The following HS3ST3A1 variants were observed in gnomAD, a reference collection of about 807,000 sequenced individuals.
HS3ST3A1 encodes the protein heparan sulfate-glucosamine 3-sulfotransferase 3A1, also known as heparan sulfate glucosamine 3-O-sulfotransferase 3A1.
A neutral mutation model predicts 25.7 loss-of-function variants in HS3ST3A1; 19 were observed. The ratio of observed to expected loss-of-function variants is 0.74; its 90% confidence interval spans 0.52 to 1.08. The LOEUF (loss-of-function observed/expected upper bound fraction) is 1.08. Ranked by LOEUF, HS3ST3A1 falls within the 50% of genes least tolerant of loss-of-function variation. HS3ST3A1 has a pLI of 0.00. For synonymous variants in HS3ST3A1, 226 were observed against 278.6 expected, an observed-to-expected ratio of 0.81 and a Z score of 1.88; for missense variants, 459 against 594.3, an observed-to-expected ratio of 0.77 and a Z score of 2.37.
At chr17:13,561,931 G>C (rs1307876536) in intron 1 of HS3ST3A1, among the ~76,000 whole-genome samples, 1 of 152,032 alleles carries the variant, frequency 6.6e-6, no homozygotes, top group African/African-American at 2.4e-5. Flanking sequence ...GGTGCTGAAG[G>C]CGGCTTCCTC....
In HS3ST3A1 at chr17:13,495,155, T is replaced by TA. The variant is rs907314236; in HGVS notation, c.*1041dup. Reference sequence around the variant, plus strand: ...TTGAAATCTGTTTCTTTTTTTTTTTTAAAGTCAATTAAATCAACAAATGGG... The same window carrying TA: ...TTGAAATCTGTTTCTTTTTTTTTTTTAAAAGTCAATTAAATCAACAAATGGG... On this transcript the variant is annotated 3_prime_UTR_variant, in exon 2 of 2. Coordinates refer to ENST00000284110, the MANE Select transcript of HS3ST3A1 (RefSeq NM_006042.3). Among the ~76,000 whole-genome samples, 5 of 151,790 alleles carry TA rather than the reference T, an allele frequency of 3.3e-5. No homozygotes were observed. The East Asian group carries it at 5.8e-4, about 18-fold the overall frequency.
intron 1 of HS3ST3A1, among the ~76,000 whole-genome samples, chr17:13,507,025 C>T (rs987195412): frequency 6.7e-5 from 10 of 149,276 alleles, no homozygotes; most frequent in East Asian, 5.9e-4. Context: ...GCCAAGATTG[C>T]GCCACCACAC....
rs140007637 is a variant in HS3ST3A1, at chr17:13,520,518, G to A, written c.600-23700C>T. ...ACCCTATTCTGCAGGCCAGAGCAAC[G>A]TCTGAAATATATCCCAACCAGTCTA... On this transcript the variant is annotated intron_variant, in intron 1 of 1. Coordinates refer to ENST00000284110, the MANE Select transcript of HS3ST3A1 (RefSeq NM_006042.3). Among the ~76,000 whole-genome samples the A allele has an allele frequency of 7.2e-5, 11 of 152,248 alleles. No homozygotes were observed. The South Asian group carries it at 1.2e-3, about 17-fold the overall frequency.
intron 1 of HS3ST3A1, among the ~76,000 whole-genome samples, chr17:13,531,416 AC>A (rs1906603277): frequency 6.6e-6 from 1 of 152,168 alleles, no homozygotes. Context: ...GATCCTACCC[AC>A]ATCCCGATAT....
At chr17:13,534,547 C>CAAAAAAAAAAAAAAAAAAAAA (rs34383911) in intron 1 of HS3ST3A1, among the ~76,000 whole-genome samples, 10 of 32,828 alleles carry the variant, frequency 3.0e-4, no homozygotes, top group Non-Finnish European at 4.1e-4. Flanking sequence ...CTACAAAATC[C>CAAAAAAAAAAAAAAAAAAAAA]AAAAAAAAAA....
chr17:13,547,837 A>G (rs1239742005), intron 1 of HS3ST3A1, among the ~76,000 whole-genome samples: 4 of 151,580 alleles, frequency 2.6e-5, no homozygotes, highest in African/African-American at 9.7e-5. Flanking sequence ...CTGAGCCCTT[A>G]ACTCCAGGGA....
At chr17:13,515,315 A>C (rs946304106) in intron 1 of HS3ST3A1, among the ~76,000 whole-genome samples, 141 of 152,106 alleles carry the variant, frequency 9.3e-4, no homozygotes, top group Non-Finnish European at 1.2e-4. Context: ...ATGTGCCATC[A>C]TACCTGGCTA....
chr17:13,597,711 T>C (rs776012129), intron 1 of HS3ST3A1, among the ~76,000 whole-genome samples: 5 of 152,194 alleles, frequency 3.3e-5, no homozygotes, highest in Non-Finnish European at 5.9e-5. Context: ...ATAATAAATA[T>C]TTTCTTTATC....
intron 1 of HS3ST3A1, among the ~76,000 whole-genome samples, chr17:13,518,207 T>C (rs1292020411): frequency 6.6e-6 from 1 of 151,596 alleles, no homozygotes; most frequent in East Asian, 1.9e-4. Flanking sequence ...GTGTCTATTG[T>C]AGCACTGTTA....
At chr17:13,548,374 A>T (rs1907145246) in intron 1 of HS3ST3A1, among the ~76,000 whole-genome samples, 1 of 151,768 alleles carries the variant, frequency 6.6e-6, no homozygotes, top group Non-Finnish European at 1.5e-5. Context: ...TAGCATCTCT[A>T]CTCTCATCCT....
intron 1 of HS3ST3A1, among the ~76,000 whole-genome samples, chr17:13,547,351 C>T (rs551587578): frequency 3.3e-5 from 5 of 152,138 alleles, no homozygotes; most frequent in African/African-American, 7.2e-5. Flanking sequence ...TTCAGGGGAA[C>T]GGGTTGCCAG....
intron 1 of HS3ST3A1, among the ~76,000 whole-genome samples, chr17:13,573,732 A>G (rs1472033293): frequency 1.3e-5 from 2 of 152,108 alleles, no homozygotes; most frequent in Non-Finnish European, 2.9e-5. Context: ...CCCCAAATTC[A>G]TATGTTGAAA....
At chr17:13,555,352 C>T (rs140904833) in intron 1 of HS3ST3A1, among the ~76,000 whole-genome samples, 56 of 152,298 alleles carry the variant, frequency 3.7e-4, no homozygotes, top group African/African-American at 1.3e-3. Flanking sequence ...TCGCATTCAA[C>T]ATTAAACCCA....
In HS3ST3A1 at chr17:13,600,834, C is replaced by T; in HGVS notation, c.296G>A (p.Arg99His). The T allele has an allele frequency of 7.1e-7, 1 of 1,416,848 alleles. No individual in the cohort carries two copies. The highest frequency in any genetic ancestry group is 3.0e-5 in the East Asian group (1 of 33,774). The allele number at this position is 1,416,848 out of a possible 1,614,324, so 87.8% of individuals were successfully genotyped here. ...RLLQLPQWRR[R>H]RPPAPRDDGE... ...GTCGTCGCGGGGCGCGGGCGGCCGGCGCCTCCGCCACTGCGGCAGTTGCAG... is the reference window on the plus strand; with the variant it reads ...GTCGTCGCGGGGCGCGGGCGGCCGGTGCCTCCGCCACTGCGGCAGTTGCAG... The change falls in exon 1 of 2, where the codon CGC becomes CAC. Residue 99 changes from arginine to histidine, a missense_variant. This residue lies in a region of HS3ST3A1 where 346 missense variants were observed against 303.9 expected (regional missense o/e 1.14). Coordinates refer to ENST00000284110, the MANE Select transcript of HS3ST3A1 (RefSeq NM_006042.3).
chr17:13,535,736 C>T (rs1286335695), intron 1 of HS3ST3A1, among the ~76,000 whole-genome samples: 1 of 152,062 alleles, frequency 6.6e-6, no homozygotes, highest in Non-Finnish European at 1.5e-5. Flanking sequence ...CAGCTTCTCC[C>T]TCTTAAAAAA....
At chr17:13,578,173 G>T (rs1450991082) in intron 1 of HS3ST3A1, among the ~76,000 whole-genome samples, 1 of 152,032 alleles carries the variant, frequency 6.6e-6, no homozygotes, top group Non-Finnish European at 1.5e-5. Flanking sequence ...GAACAATAAG[G>T]ATTGCCTAAG....
chr17:13,594,145 C>A (rs1036211384), intron 1 of HS3ST3A1, among the ~76,000 whole-genome samples: 1 of 152,138 alleles, frequency 6.6e-6, no homozygotes, highest in Non-Finnish European at 1.5e-5. Context: ...GGAAGATTAC[C>A]GCACAGGTGA....
intron 1 of HS3ST3A1, among the ~76,000 whole-genome samples, chr17:13,554,280 G>A (rs78665034): frequency 4.6e-4 from 70 of 152,246 alleles, no homozygotes; most frequent in African/African-American, 1.5e-3. Flanking sequence ...AGCCTTCCAC[G>A]GATTCCAGAA....
At chr17:13,537,925 G>GT (rs1906817823) in intron 1 of HS3ST3A1, among the ~76,000 whole-genome samples, 1 of 152,126 alleles carries the variant, frequency 6.6e-6, no homozygotes, top group African/African-American at 2.4e-5. Context: ...TTTCTGTAAG[G>GT]TTAAAAACTC....
Sources: allele counts gnomAD v4.1 joint callset (sites outside exome capture counted in the v4.1 genomes callset), GRCh38; gene constraint gnomAD v4.1.1; regional missense constraint gnomAD v4.1.1; transcripts MANE v1.5; gene names NCBI Gene and HGNC (gene_info 2026-07-23, HGNC 2026-07-21).